Variants in ST6GALNAC5 observed in about 807,000 individuals in gnomAD.
ST6GALNAC5 encodes ST6 N-acetylgalactosaminide alpha-2,6-sialyltransferase 5.
In ST6GALNAC5, 27 loss-of-function variants were observed where a neutral mutation model predicts 33.6. That is an observed-to-expected ratio of 0.80 (90% CI 0.59 to 1.11). ST6GALNAC5 has a LOEUF of 1.11. Ranked by LOEUF, ST6GALNAC5 falls within the 50% of genes least tolerant of loss-of-function variation. ST6GALNAC5 has a pLI of 0.00. For missense variants in ST6GALNAC5, 428 were observed against 454.0 expected, an observed-to-expected ratio of 0.94 and a Z score of 0.52; for synonymous variants, 194 against 171.2, an observed-to-expected ratio of 1.13 and a Z score of -1.04.
intron 2 of ST6GALNAC5, among the ~76,000 whole-genome samples, chr1:76,981,926 GT>G (rs1464302761): frequency 1.3e-5 from 2 of 152,010 alleles, no homozygotes; most frequent in Non-Finnish European, 2.9e-5. Context: ...AGACCTGACC[GT>G]TAGAAGGAAA....
intron 2 of ST6GALNAC5, among the ~76,000 whole-genome samples, chr1:76,993,825 T>C (rs1173115752): frequency 1.3e-5 from 2 of 152,200 alleles, no homozygotes; most frequent in Admixed American, 1.3e-4. Context: ...TAAAGCCATA[T>C]TCCTTCTGTT....
At chr1:76,887,478 C>G (rs1342346646) in intron 2 of ST6GALNAC5, among the ~76,000 whole-genome samples, 1 of 152,162 alleles carries the variant, frequency 6.6e-6, no homozygotes, top group East Asian at 1.9e-4. Flanking sequence ...CTTTTTTCAT[C>G]CTATAATTTT....
At chr1:76,990,442 T>G (rs1272753675) in intron 2 of ST6GALNAC5, among the ~76,000 whole-genome samples, 3 of 152,152 alleles carry the variant, frequency 2.0e-5, no homozygotes, top group Non-Finnish European at 4.4e-5. Context: ...CCCCAATCTG[T>G]CAGTTCTGTC....
chr1:76,917,940 G>C (rs1273878383), intron 2 of ST6GALNAC5, among the ~76,000 whole-genome samples: 3 of 152,218 alleles, frequency 2.0e-5, no homozygotes, highest in Admixed American at 2.0e-4. Context: ...CAACTGATTG[G>C]ATGGGGCCCA....
intron 2 of ST6GALNAC5, among the ~76,000 whole-genome samples, chr1:76,990,670 T>C (rs2100395134): frequency 6.6e-6 from 1 of 152,242 alleles, no homozygotes; most frequent in South Asian, 2.1e-4. Context: ...CAAGAGCCGA[T>C]GGAAAAATGG....
chr1:76,944,717 G>A (rs1039827735), intron 2 of ST6GALNAC5, among the ~76,000 whole-genome samples: 16 of 152,082 alleles, frequency 1.1e-4, no homozygotes, highest in Non-Finnish European at 2.1e-4. Context: ...AAGGGGCAAG[G>A]TCTCAGGTTA....
intron 2 of ST6GALNAC5, among the ~76,000 whole-genome samples, chr1:76,983,489 T>C (rs143212354): frequency 0.019 from 2,908 of 152,180 alleles, 89 homozygotes; most frequent in African/African-American, 0.067. Context: ...ACGCACCCAA[T>C]ACAAGAGCAC....
chr1:76,982,914 C>A (rs988431680), intron 2 of ST6GALNAC5, among the ~76,000 whole-genome samples: 1 of 151,906 alleles, frequency 6.6e-6, no homozygotes, highest in African/African-American at 2.4e-5. Context: ...CCAAACAAAG[C>A]TTCATACGTG....
intron 2 of ST6GALNAC5, among the ~76,000 whole-genome samples, chr1:77,031,339 C>G (rs1414034526): frequency 6.6e-6 from 1 of 152,190 alleles, no homozygotes; most frequent in Non-Finnish European, 1.5e-5. Context: ...AGCTGGGGTG[C>G]TGAGTTGTTA....
At chr1:76,936,415 A>G (rs1647204049) in intron 2 of ST6GALNAC5, among the ~76,000 whole-genome samples, 1 of 152,050 alleles carries the variant, frequency 6.6e-6, no homozygotes, top group Non-Finnish European at 1.5e-5. Flanking sequence ...TTATCTTCAG[A>G]TGGAAGTAAA....
intron 2 of ST6GALNAC5, among the ~76,000 whole-genome samples, chr1:77,009,505 G>C (rs1212930769): frequency 1.3e-5 from 2 of 152,080 alleles, no homozygotes; most frequent in Non-Finnish European, 2.9e-5. Context: ...AGAAATTACG[G>C]GTAGGAGAGG....
At chr1:77,049,440 G>A (rs944591886) in intron 3 of ST6GALNAC5, among the ~76,000 whole-genome samples, 3 of 152,104 alleles carry the variant, frequency 2.0e-5, no homozygotes, top group Admixed American at 2.0e-4. Flanking sequence ...AGCATGGTAG[G>A]CTGAGTCATT....
rs750613765 is a variant in ST6GALNAC5, at chr1:76,867,699, G to C, written c.15+9G>C. ...AAATGAAGACCCTGATGGTGAGTCA[G>C]TTGTGGCAACTCCACCGGGCAAAGA... On this transcript the variant is annotated intron_variant, in intron 1 of 4. Transcript: ENST00000477717. 8 of 1,614,114 alleles carry C rather than the reference G, an allele frequency of 5.0e-6. No homozygotes were observed. Among genetic ancestry groups the C allele is most frequent in the Non-Finnish European group, 6.8e-6 (8 of 1,179,970 alleles).
chr1:77,005,605 A>G (rs765530810), intron 2 of ST6GALNAC5, among the ~76,000 whole-genome samples: 16 of 152,334 alleles, frequency 1.1e-4, no homozygotes, highest in Non-Finnish European at 4.4e-5. Flanking sequence ...AGTGGCATTA[A>G]GTACACTCAC....
intron 2 of ST6GALNAC5, among the ~76,000 whole-genome samples, chr1:76,904,065 T>C (rs561824199): frequency 2.0e-5 from 3 of 152,306 alleles, no homozygotes; most frequent in Non-Finnish European, 2.9e-5. Context: ...ATCTAAATTG[T>C]GAAAATAAAA....
intron 2 of ST6GALNAC5, among the ~76,000 whole-genome samples, chr1:76,915,913 A>G (rs56240915): frequency 0.48 from 70,868 of 147,458 alleles, 17,270 homozygotes; most frequent in African/African-American, 0.58. Context: ...TCCTTGGATA[A>G]TAATAATAAT....
chr1:77,047,281 G>A (rs560788294), intron 3 of ST6GALNAC5, among the ~76,000 whole-genome samples: 3 of 152,262 alleles, frequency 2.0e-5, no homozygotes, highest in Non-Finnish European at 4.4e-5. Flanking sequence ...CCTGCTCCAA[G>A]CTAAAAGAAA....
rs183497685 is a variant in ST6GALNAC5, at chr1:76,914,234, G to A, written c.261+45492G>A. Among the ~76,000 whole-genome samples, 1,174 of 152,260 alleles carry A rather than the reference G, an allele frequency of 7.7e-3. 12 individuals carry two copies. The highest frequency in any genetic ancestry group is 0.027 in the African/African-American group (1,104 of 41,540). On this transcript the variant is annotated intron_variant, in intron 2 of 4. Coordinates refer to ENST00000477717, the MANE Select transcript of ST6GALNAC5 (RefSeq NM_030965.3). ...AACATTCCATGCTCATGGGTAGGAA[G>A]AATCAATATCGTGAAAAATGGCCAT...
chr1:76,978,400 C>G (rs1257122890), intron 2 of ST6GALNAC5, among the ~76,000 whole-genome samples: 2 of 152,080 alleles, frequency 1.3e-5, no homozygotes, highest in Non-Finnish European at 2.9e-5. Flanking sequence ...AGAAACCAAT[C>G]TCATCAACAC....
Sources: allele counts gnomAD v4.1 joint callset (sites outside exome capture counted in the v4.1 genomes callset), GRCh38; gene constraint gnomAD v4.1.1; transcripts MANE v1.5; gene names NCBI Gene and HGNC (gene_info 2026-07-23, HGNC 2026-07-21).